POLA1: variants seen among roughly 807,000 people sequenced by gnomAD.
POLA1 encodes DNA polymerase alpha 1, catalytic subunit, also known as DNA polymerase alpha catalytic subunit.
Under a neutral mutation model 124.0 loss-of-function variants are expected in POLA1, and 15 were observed. That is an observed-to-expected ratio of 0.12 (90% CI 0.08 to 0.19). The LOEUF is 0.19. Ranked by LOEUF, POLA1 falls within the 10% of genes least tolerant of loss-of-function variation. The probability of loss-of-function intolerance (pLI) is 1.00; values close to 1 mark genes in which losing one functional copy is unlikely to be tolerated. For synonymous variants in POLA1, 408 were observed against 389.4 expected, an observed-to-expected ratio of 1.05 and a Z score of -0.56; for missense variants, 886 against 1,103.4, an observed-to-expected ratio of 0.80 and a Z score of 2.79.
At chrX:24,924,217 C>G (rs1005831182) in intron 35 of POLA1, among the ~76,000 whole-genome samples, 1 of 111,862 alleles carries the variant, frequency 8.9e-6, no homozygotes, top group African/African-American at 3.3e-5. Context: ...CTGTGTACTT[C>G]GTAGCAGTCA....
chrX:24,886,978 C>G (rs773963227), intron 34 of POLA1, among the ~76,000 whole-genome samples: 1 of 111,600 alleles, frequency 9.0e-6, no homozygotes, highest in South Asian at 3.8e-4. Context: ...ACTGGGGGCT[C>G]CACAGGTGAG....
At chrX:24,817,067 G>T (rs755414257) in intron 30 of POLA1, among the ~76,000 whole-genome samples, 9 of 111,224 alleles carry the variant, frequency 8.1e-5, no homozygotes, top group Non-Finnish European at 1.5e-4. Context: ...TATGATAGGG[G>T]CTGTGAATAG....
chrX:24,726,433 G>A (rs1930540977), intron 13 of POLA1, among the ~76,000 whole-genome samples: 2 of 112,213 alleles, frequency 1.8e-5, no homozygotes, highest in African/African-American at 6.5e-5. Context: ...TCTTGCTCCT[G>A]TGACAGGCAA....
intron 34 of POLA1, among the ~76,000 whole-genome samples, chrX:24,869,849 G>A (rs1357782104): frequency 1.8e-5 from 2 of 111,058 alleles, no homozygotes; most frequent in East Asian, 2.8e-4. Flanking sequence ...ACCTTCATGC[G>A]CTCCAGGTGT....
chrX:24,982,902 G>T (rs1021834795), intron 36 of POLA1, among the ~76,000 whole-genome samples: 2 of 111,218 alleles, frequency 1.8e-5, no homozygotes, highest in African/African-American at 6.5e-5. Context: ...TGGCACTAGC[G>T]CCATCCTTTA....
chrX:24,835,666 GGTATCTTTTAACATGTTCCTCT>G (rs952172975), intron 32 of POLA1, among the ~76,000 whole-genome samples: 3 of 109,049 alleles, frequency 2.8e-5, no homozygotes, highest in African/African-American at 1.0e-4. Flanking sequence ...ACATCCTGGT[GGTATCTTTTAACATGTTCCTCT>G]GTCTCCTATG....
intron 32 of POLA1, among the ~76,000 whole-genome samples, chrX:24,834,833 A>T (rs1209580218): frequency 9.1e-6 from 1 of 109,537 alleles, no homozygotes; most frequent in East Asian, 2.8e-4. Flanking sequence ...AATGTATATT[A>T]TATATATATA....
intron 36 of POLA1, among the ~76,000 whole-genome samples, chrX:24,973,757 C>T (rs1190346839): frequency 9.0e-6 from 1 of 111,688 alleles, no homozygotes; most frequent in Non-Finnish European, 1.9e-5. Flanking sequence ...CTTTCTTTGG[C>T]GACCATCTAC....
At chrX:24,744,290 G>A (rs1345162138) in intron 23 of POLA1, among the ~76,000 whole-genome samples, 2 of 112,246 alleles carry the variant, frequency 1.8e-5, no homozygotes, top group Non-Finnish European at 3.8e-5. Flanking sequence ...GTGATCTTGG[G>A]CTGCCTGTTT....
chrX:24,955,383 T>C (rs1275309262), intron 36 of POLA1, among the ~76,000 whole-genome samples: 1 of 108,524 alleles, frequency 9.2e-6, no homozygotes, highest in Non-Finnish European at 1.9e-5. Flanking sequence ...TCTTGCCATG[T>C]TTCCCAGGCT....
intron 14 of POLA1, 91 bp from the exon 15 acceptor site, chrX:24,727,691 G>A: frequency 1.4e-6 from 1 of 707,974 alleles, no homozygotes; most frequent in South Asian, 3.1e-5. Flanking sequence ...CAGGGTTGAA[G>A]AATATGCCAG....
At chrX:24,922,077 A>AC (rs1237681527) in intron 35 of POLA1, among the ~76,000 whole-genome samples, 18 of 107,751 alleles carry the variant, frequency 1.7e-4, no homozygotes, top group Non-Finnish European at 3.1e-4. Context: ...ATCGAAGAAA[A>AC]CCCCCCCTTT....
chrX:24,796,940 A>T (rs1275278751), intron 26 of POLA1, among the ~76,000 whole-genome samples: 1 of 111,562 alleles, frequency 9.0e-6, no homozygotes, highest in African/African-American at 3.3e-5. Context: ...CATGGGTATC[A>T]TTCTTGACTC....
At chrX:24,900,533 T>C (rs1354716413) in intron 35 of POLA1, among the ~76,000 whole-genome samples, 2 of 112,196 alleles carry the variant, frequency 1.8e-5, no homozygotes, top group Non-Finnish European at 3.8e-5. Context: ...AAATTTTTCT[T>C]TGTGAAAGTG....
chrX:24,732,440 A>C lies in POLA1; in HGVS notation c.1757A>C (p.Gln586Pro). Reference sequence around the variant, plus strand: ...AAAGCAGCCCCAAAGCCTCCCTTTCAGTCACACTTCTGTGGTATGTATTTT... The same window carrying C: ...AAAGCAGCCCCAAAGCCTCCCTTTCCGTCACACTTCTGTGGTATGTATTTT... ...LDKAAPKPPF[Q>P]SHFCVVSKPK... is the part of the protein sequence containing the mutation. Residue 586 changes from glutamine to proline, a missense_variant, in exon 16 of 37, where the codon CAG (glutamine) becomes CCG (proline). Gln to Pro is a moderately conservative substitution (Grantham distance 76). Transcript: ENST00000379068. The C allele has an allele frequency of 2.6e-6, 3 of 1,164,827 alleles. No homozygotes were observed. In the South Asian group the frequency reaches 5.4e-5, roughly 21 times the overall value.
intron 36 of POLA1, among the ~76,000 whole-genome samples, chrX:24,934,356 G>C (rs2047821356): frequency 8.9e-6 from 1 of 111,887 alleles, no homozygotes; most frequent in Non-Finnish European, 1.9e-5. Flanking sequence ...AACACTCCCT[G>C]CCCTGGAGGA....
chrX:24,735,592 A>G (rs930144665), intron 18 of POLA1, 104 bp downstream of exon 18: 6 of 488,243 alleles, frequency 1.2e-5, no homozygotes, highest in East Asian at 1.1e-4. Context: ...TTTTCAGAGT[A>G]AAATGATCCT....
At chrX:24,893,416 A>G (rs2047167405) in intron 35 of POLA1, among the ~76,000 whole-genome samples, 1 of 112,047 alleles carries the variant, frequency 8.9e-6, no homozygotes, top group South Asian at 3.8e-4. Flanking sequence ...TTGGGGTATA[A>G]TTGACATAAC....
intron 35 of POLA1, among the ~76,000 whole-genome samples, chrX:24,922,691 A>G (rs1165983947): frequency 9.0e-6 from 1 of 111,552 alleles, no homozygotes; most frequent in African/African-American, 3.3e-5. Context: ...GTTTGAAACT[A>G]ATCTGTAGAA....
Sources: allele counts gnomAD v4.1 joint callset (sites outside exome capture counted in the v4.1 genomes callset), GRCh38; gene constraint gnomAD v4.1.1; transcripts MANE v1.5; gene names NCBI Gene and HGNC (gene_info 2026-07-23, HGNC 2026-07-21).